MAP2: variants seen among roughly 807,000 people sequenced by gnomAD.
MAP2 encodes the protein microtubule-associated protein 2.
A neutral mutation model predicts 137.6 loss-of-function variants in MAP2; 14 were observed. That is an observed-to-expected ratio of 0.10 (90% CI 0.07 to 0.16). The LOEUF (loss-of-function observed/expected upper bound fraction) is 0.16. Among genes scored for constraint, MAP2 ranks in the 10% least tolerant of loss-of-function variants. The pLI is 1.00. For missense variants in MAP2, 2,088 were observed against 2,191.5 expected (o/e 0.95, Z 0.94); for synonymous variants, 786 against 782.3 (o/e 1.00, Z -0.08).
intron 5 of MAP2, among the ~76,000 whole-genome samples, chr2:209,670,865 C>G (rs980547516): frequency 2.6e-5 from 4 of 151,810 alleles, no homozygotes; most frequent in Non-Finnish European, 5.9e-5. Flanking sequence ...AAGAGTGCCC[C>G]CCTTTAAACA....
chr2:209,447,010 T>G (rs1699229336), intron 1 of MAP2, among the ~76,000 whole-genome samples: 1 of 151,988 alleles, frequency 6.6e-6, no homozygotes, highest in Non-Finnish European at 1.5e-5. Context: ...CCAACCTTTT[T>G]TTCTGGCAAA....
chr2:209,463,017 A>G (rs1297067471), intron 1 of MAP2, among the ~76,000 whole-genome samples: 1 of 152,120 alleles, frequency 6.6e-6, no homozygotes, highest in Non-Finnish European at 1.5e-5. Flanking sequence ...AAATACGTGC[A>G]CACACACATG....
chr2:209,592,406 C>T (rs56043213), intron 3 of MAP2, among the ~76,000 whole-genome samples: 1 of 152,252 alleles, frequency 6.6e-6, no homozygotes, highest in East Asian at 1.9e-4. Flanking sequence ...TGTCTTCTAT[C>T]TCATGTTATC....
intron 2 of MAP2, among the ~76,000 whole-genome samples, chr2:209,566,991 A>G (rs2073567068): frequency 6.6e-6 from 1 of 152,182 alleles, no homozygotes; most frequent in South Asian, 2.1e-4. Context: ...GCTTTTTTCT[A>G]ATATGTCATC....
intron 3 of MAP2, among the ~76,000 whole-genome samples, chr2:209,593,842 T>A (rs2080352989): frequency 4.3e-5 from 4 of 91,974 alleles, no homozygotes; most frequent in South Asian, 3.0e-4. Context: ...TATTATATTA[T>A]AATATATATT....
At chr2:209,452,923 T>G (rs748387673) in intron 1 of MAP2, among the ~76,000 whole-genome samples, 1 of 152,216 alleles carries the variant, frequency 6.6e-6, no homozygotes, top group Admixed American at 6.5e-5. Flanking sequence ...TATATATAAA[T>G]AATTTATACC....
chr2:209,683,475 A>C (rs1054788136), intron 7 of MAP2, among the ~76,000 whole-genome samples: 8 of 152,238 alleles, frequency 5.3e-5, no homozygotes, highest in Non-Finnish European at 1.0e-4. Flanking sequence ...AATATGTAAA[A>C]GATTTGTGGT....
chr2:209,448,516 A>C (rs1699611960), intron 1 of MAP2, among the ~76,000 whole-genome samples: 1 of 152,226 alleles, frequency 6.6e-6, no homozygotes, highest in South Asian at 2.1e-4. Flanking sequence ...GCTTTAAAAC[A>C]ATAGAAATGT....
intron 1 of MAP2, among the ~76,000 whole-genome samples, chr2:209,430,485 A>T (rs1384496522): frequency 6.6e-6 from 1 of 152,096 alleles, no homozygotes; most frequent in Non-Finnish European, 1.5e-5. Flanking sequence ...ACATGAGAAC[A>T]GTTGGTATTA....
intron 4 of MAP2, among the ~76,000 whole-genome samples, chr2:209,643,589 C>A (rs968659275): frequency 6.6e-6 from 1 of 152,196 alleles, no homozygotes; most frequent in Admixed American, 6.5e-5. Context: ...AAGTGTACTT[C>A]TATCACAAAC....
chr2:209,684,160 C>T (rs555737273), intron 7 of MAP2, among the ~76,000 whole-genome samples: 81 of 152,178 alleles, frequency 5.3e-4, no homozygotes, highest in African/African-American at 1.9e-3. Context: ...TAATAGTTGT[C>T]ATTTGGACTG....
chr2:209,605,670 T>C (rs2084430604), intron 3 of MAP2, among the ~76,000 whole-genome samples: 1 of 152,242 alleles, frequency 6.6e-6, no homozygotes, highest in Admixed American at 6.5e-5. Context: ...TTTAAGCACT[T>C]ACTCAATTTT....
intron 3 of MAP2, among the ~76,000 whole-genome samples, chr2:209,594,089 A>G (rs964326277): frequency 2.1e-5 from 3 of 143,874 alleles, no homozygotes; most frequent in South Asian, 4.4e-4. Context: ...TCAAGGCTGC[A>G]GTGAGCTATG....
chr2:209,621,354 G>A lies in MAP2; in HGVS notation c.-106-3699G>A, dbSNP rs191315733. ...GCTCACTGCAACCTCCATCTCCCGG[G>A]TTCAAGTGATTCTGTTTCCTCAGCT... On this transcript the variant is annotated intron_variant, in intron 3 of 15. Coordinates refer to ENST00000682079, the MANE Select transcript of MAP2 (RefSeq NM_001375505.1). 7.1e-3 allele frequency among the ~76,000 whole-genome samples: 1,050 copies of A among 148,586 alleles called. 13 individuals are homozygous for A. The highest frequency in any genetic ancestry group is 0.025 in the African/African-American group (989 of 39,682).
chr2:209,583,151 A>G (rs142492637), intron 3 of MAP2, among the ~76,000 whole-genome samples: 3 of 128,526 alleles, frequency 2.3e-5, no homozygotes, highest in Admixed American at 7.2e-5. Flanking sequence ...CTGTCTGTCT[A>G]TCTATCTATC....
chr2:209,540,630 CAAAAAAAAAAAAAAAAA>C (rs749183996), intron 2 of MAP2, among the ~76,000 whole-genome samples: 2 of 27,590 alleles, frequency 7.2e-5, no homozygotes, highest in African/African-American at 1.4e-4. Context: ...GACTCCGTCT[CAAAAAAAAAAAAAAAAA>C]AAAAAAAAAA....
intron 2 of MAP2, among the ~76,000 whole-genome samples, chr2:209,576,146 G>T (rs1436414205): frequency 6.6e-6 from 1 of 152,158 alleles, no homozygotes; most frequent in African/African-American, 2.4e-5. Flanking sequence ...TAAAGATCAG[G>T]CATCTACAAT....
At chr2:209,560,261 CA>C (rs1559320569) in intron 2 of MAP2, among the ~76,000 whole-genome samples, 1 of 151,806 alleles carries the variant, frequency 6.6e-6, no homozygotes, top group Non-Finnish European at 1.5e-5. Flanking sequence ...GAAATCTTTT[CA>C]AAAAAATGAA....
In MAP2 at chr2:209,653,145, C is replaced by A; in HGVS notation, c.-26C>A. 1 of 1,552,580 alleles carries A rather than the reference C, an allele frequency of 6.4e-7. No homozygotes were observed. ...GCTACTATTTTTTCTCTTTCAGTTG[C>A]AGGAGAAATAACAAGGCATTGAAGA... is the stretch of plus-strand genomic sequence containing the variant. On this transcript the variant is annotated 5_prime_UTR_variant, in exon 5 of 16. Coordinates refer to ENST00000682079, the MANE Select transcript of MAP2 (RefSeq NM_001375505.1).
Sources: allele counts gnomAD v4.1 joint callset (sites outside exome capture counted in the v4.1 genomes callset), GRCh38; gene constraint gnomAD v4.1.1; transcripts MANE v1.5; gene names NCBI Gene and HGNC (gene_info 2026-07-23, HGNC 2026-07-21).